Variants in PTPRM observed in about 807,000 individuals in gnomAD.
PTPRM encodes protein tyrosine phosphatase receptor type M, also known as receptor-type tyrosine-protein phosphatase mu.
Under a neutral mutation model 186.7 loss-of-function variants are expected in PTPRM, and 47 were observed. The ratio of observed to expected loss-of-function variants is 0.25; its 90% CI spans 0.20 to 0.32. PTPRM has a LOEUF of 0.32. Ranked by LOEUF, PTPRM falls within the 10% of genes least tolerant of loss-of-function variation. The pLI is 1.00. For missense variants in PTPRM, 1,494 were observed against 1,865.0 expected, an observed-to-expected ratio of 0.80 and a Z score of 3.66; for synonymous variants, 668 against 674.9, an observed-to-expected ratio of 0.99 and a Z score of 0.16.
intron 14 of PTPRM, among the ~76,000 whole-genome samples, chr18:8,215,427 G>A (rs1397098380): frequency 2.6e-5 from 4 of 151,470 alleles, no homozygotes; most frequent in Non-Finnish European, 5.9e-5. Context: ...TGTGTCTGTT[G>A]TGATAGACAA....
Position 7,760,629 on chromosome 18 carries a change from A to G in PTPRM, c.74-13520A>G, listed in dbSNP as rs368301861. ...AAAGGAAACCCACAGTTAACTATTT[A>G]CTAGGTAGCTAGATAGGTAAGTGCG... On this transcript the variant is annotated intron_variant, in intron 1 of 32. Transcript: ENST00000580170. Among the ~76,000 whole-genome samples, 12 of 152,306 alleles carry G rather than the reference A, an allele frequency of 7.9e-5. No individual in the cohort carries two copies. In the East Asian group the frequency reaches 2.1e-3, roughly 27 times the overall value.
chr18:7,897,733 C>G (rs1031818481), intron 3 of PTPRM, among the ~76,000 whole-genome samples: 1 of 152,136 alleles, frequency 6.6e-6, no homozygotes, highest in Non-Finnish European at 1.5e-5. Flanking sequence ...TTAATCTCTG[C>G]GTGGTCTGCC....
intron 7 of PTPRM, among the ~76,000 whole-genome samples, chr18:7,982,183 A>G (rs1010562864): frequency 6.6e-6 from 1 of 152,142 alleles, no homozygotes; most frequent in Non-Finnish European, 1.5e-5. Context: ...CTCTTTTGTA[A>G]TAACACTTAG....
intron 1 of PTPRM, among the ~76,000 whole-genome samples, chr18:7,602,589 G>A (rs1275250880): frequency 6.6e-6 from 1 of 151,830 alleles, no homozygotes; most frequent in Admixed American, 6.6e-5. Context: ...CATCTTGCCT[G>A]GCTAATATTT....
At chr18:7,870,065 G>A (rs764778199) in intron 2 of PTPRM, among the ~76,000 whole-genome samples, 3 of 152,146 alleles carry the variant, frequency 2.0e-5, no homozygotes, top group African/African-American at 4.8e-5. Flanking sequence ...AGATGAAGTC[G>A]GTTTAGAGAG....
At chr18:8,345,044 A>G (rs2095497842) in intron 23 of PTPRM, among the ~76,000 whole-genome samples, 1 of 152,176 alleles carries the variant, frequency 6.6e-6, no homozygotes, top group Admixed American at 6.5e-5. Flanking sequence ...GTCAAAGTAA[A>G]CACCTAATAA....
intron 1 of PTPRM, among the ~76,000 whole-genome samples, chr18:7,674,287 A>T (rs530228524): frequency 6.6e-6 from 1 of 152,304 alleles, no homozygotes; most frequent in African/African-American, 2.4e-5. Flanking sequence ...GCTGAATTTG[A>T]AAACCATCCT....
intron 2 of PTPRM, among the ~76,000 whole-genome samples, chr18:7,878,930 A>G (rs1430079277): frequency 6.6e-6 from 1 of 152,214 alleles, no homozygotes; most frequent in Non-Finnish European, 1.5e-5. Flanking sequence ...CGTTCTAAAT[A>G]GTCAACCTGT....
intron 2 of PTPRM, among the ~76,000 whole-genome samples, chr18:7,776,399 G>T (rs561892858): frequency 6.6e-6 from 1 of 152,268 alleles, no homozygotes; most frequent in African/African-American, 2.4e-5. Flanking sequence ...CACCTCTCTG[G>T]CTGTGCTTAT....
At chr18:8,118,833 T>A (rs1397798283) in intron 13 of PTPRM, among the ~76,000 whole-genome samples, 2 of 146,200 alleles carry the variant, frequency 1.4e-5, no homozygotes, top group Non-Finnish European at 3.0e-5. Context: ...TATATATATA[T>A]GAGATTTATA....
intron 7 of PTPRM, among the ~76,000 whole-genome samples, chr18:8,015,412 G>A (rs1447429301): frequency 6.6e-6 from 1 of 152,088 alleles, no homozygotes; most frequent in Non-Finnish European, 1.5e-5. Flanking sequence ...CAAATTAAGT[G>A]AAGTCTTCTT....
chr18:7,596,664 C>T (rs1297180283), intron 1 of PTPRM, among the ~76,000 whole-genome samples: 1 of 152,104 alleles, frequency 6.6e-6, no homozygotes, highest in Non-Finnish European at 1.5e-5. Flanking sequence ...CAGGGATCCA[C>T]CAAATAGGTC....
intron 22 of PTPRM, among the ~76,000 whole-genome samples, chr18:8,341,460 G>A (rs1246376041): frequency 6.6e-6 from 1 of 152,208 alleles, no homozygotes; most frequent in African/African-American, 2.4e-5. Context: ...CTGGCAAGAA[G>A]GGGTGAGTGA....
At chr18:8,318,582 A>T (rs1433774698) in intron 21 of PTPRM, among the ~76,000 whole-genome samples, 1 of 151,880 alleles carries the variant, frequency 6.6e-6, no homozygotes, top group East Asian at 1.9e-4. Flanking sequence ...ACAGGCATCA[A>T]CCACCACACC....
intron 2 of PTPRM, among the ~76,000 whole-genome samples, chr18:7,879,336 T>C (rs1375513904): frequency 6.6e-6 from 1 of 152,218 alleles, no homozygotes; most frequent in East Asian, 1.9e-4. Flanking sequence ...ATGTAACTGT[T>C]GGTGAACTTA....
chr18:8,020,715 G>A (rs1233631025), intron 7 of PTPRM, among the ~76,000 whole-genome samples: 5 of 152,152 alleles, frequency 3.3e-5, no homozygotes, highest in East Asian at 3.9e-4. Context: ...TATTCTTTCC[G>A]AGTTTTTTCT....
At chr18:8,384,921 C>T (rs530382844) in intron 30 of PTPRM, among the ~76,000 whole-genome samples, 41 of 152,300 alleles carry the variant, frequency 2.7e-4, no homozygotes, top group South Asian at 8.3e-4. Flanking sequence ...AAGACCATCA[C>T]GATAGGTGCA....
At chr18:8,326,596 A>C (rs1019220808) in intron 22 of PTPRM, among the ~76,000 whole-genome samples, 8 of 152,188 alleles carry the variant, frequency 5.3e-5, no homozygotes, top group African/African-American at 1.9e-4. Flanking sequence ...CACGTAGACC[A>C]ACAGAACAGA....
chr18:8,224,321 A>G (rs973362657), intron 14 of PTPRM, among the ~76,000 whole-genome samples: 4 of 152,206 alleles, frequency 2.6e-5, no homozygotes, highest in African/African-American at 9.7e-5. Context: ...AAAGACAGTC[A>G]ATGAGGAAAA....
Sources: gnomAD v4.1 joint callset for allele counts (sites outside exome capture counted in the v4.1 genomes callset) on GRCh38, gnomAD v4.1.1 for gene constraint, MANE v1.5 for transcripts, NCBI Gene and HGNC (gene_info 2026-07-23, HGNC 2026-07-21) for gene names.